Variants in HDGFL3 observed in about 807,000 individuals in gnomAD.
The protein encoded by HDGFL3 is hepatoma-derived growth factor-related protein 3.
Under a neutral mutation model 27.6 loss-of-function variants are expected in HDGFL3, and 6 were observed. The ratio of observed to expected loss-of-function variants is 0.22; its 90% CI spans 0.12 to 0.43. The LOEUF is 0.43. HDGFL3 is among the 20% of genes least tolerant of loss of function. HDGFL3 has a pLI of 1.00. For missense variants in HDGFL3, 207 were observed against 250.1 expected (o/e 0.83, Z 1.16); for synonymous variants, 88 against 88.9 (o/e 0.99, Z 0.05).
chr15:83,158,162 A>G, intron 2 of HDGFL3, 121 bp from the exon 3 acceptor site: 1 of 798,702 alleles, frequency 1.3e-6, no homozygotes. Context: ...AGTACATATA[A>G]ACCCTTCAAG....
In HDGFL3 at chr15:83,207,510, G is replaced by A; in HGVS notation, c.-96C>T. On this transcript the variant is annotated 5_prime_UTR_variant, in exon 1 of 6. Coordinates refer to ENST00000299633, the MANE Select transcript of HDGFL3 (RefSeq NM_016073.4). The surrounding 1 kb of genome is among the most constrained non-coding windows in gnomAD (Gnocchi z 4.8). ...GACGAATTGCGCCGCGCTCCCCGCG[G>A]GCCTCAAGCCGGGCGGACGAGCGGC... 3 of 1,012,844 alleles carry A rather than the reference G, an allele frequency of 3.0e-6. No individual in the cohort carries two copies. The highest frequency in any genetic ancestry group is 3.8e-6 in the Non-Finnish European group (3 of 785,944). 62.7% of individuals were successfully genotyped at this position (1,012,844 alleles called of 1,614,324 possible).
At chr15:83,126,870 G>A, downstream of HDGFL3, 1 of 1,572,040 alleles carries the variant, frequency 6.4e-7, no homozygotes, top group Non-Finnish European at 8.7e-7. Context: ...TGAAGCCTAA[G>A]ATTTTTCTAA....
intron 1 of HDGFL3, among the ~76,000 whole-genome samples, chr15:83,183,836 G>A (rs2037410210): frequency 6.6e-6 from 1 of 151,748 alleles, no homozygotes; most frequent in Non-Finnish European, 1.5e-5. Context: ...TCTAAACCTG[G>A]TTTAAATTTC....
chr15:83,160,608 G>A (rs2037089463), intron 2 of HDGFL3, among the ~76,000 whole-genome samples: 1 of 152,178 alleles, frequency 6.6e-6, no homozygotes, highest in Non-Finnish European at 1.5e-5. Flanking sequence ...TTAAAATCCA[G>A]TTTAGACATC....
chr15:83,192,290 T>G (rs954052635), intron 1 of HDGFL3: 6 of 455,260 alleles, frequency 1.3e-5, no homozygotes, highest in Admixed American at 7.1e-5. Context: ...AGTTTTGACT[T>G]TCTGCCAAAA....
chr15:83,179,883 T>C (rs547937583), intron 1 of HDGFL3: 1 of 152,272 alleles, frequency 6.6e-6, no homozygotes, highest in African/African-American at 2.4e-5. Flanking sequence ...GAATGCATGA[T>C]GTTATAAGTC....
intron 2 of HDGFL3, among the ~76,000 whole-genome samples, chr15:83,163,150 GT>G (rs2037121470): frequency 6.6e-6 from 1 of 152,200 alleles, no homozygotes; most frequent in Admixed American, 6.5e-5. Context: ...TTTGGAAACT[GT>G]GACAACACTG....
At chr15:83,157,790 A>G in intron 3 of HDGFL3, 113 bp downstream of exon 3, 1 of 1,087,204 alleles carries the variant, frequency 9.2e-7, no homozygotes, top group Non-Finnish European at 1.4e-6. Context: ...GGAGTCAAAA[A>G]GAATTGTGAC....
In HDGFL3 at chr15:83,175,722, T is replaced by A. The variant is rs148797922; in HGVS notation, c.85-11647A>T. On this transcript the variant is annotated intron_variant, in intron 1 of 5. Transcript: ENST00000299633. ...AAAAATACAAAAAATTAGCCCGGTG[T>A]GGTGGCGGGCACCTGTAGTCCCAGC... is the stretch of plus-strand genomic sequence containing the variant. Among the ~76,000 whole-genome samples, 287 of 152,206 alleles carry A rather than the reference T, an allele frequency of 1.9e-3. 4 individuals carry two copies. In the East Asian group the frequency reaches 0.028, roughly 15 times the overall value.
chr15:83,153,665 G>A (rs1170289076), intron 4 of HDGFL3, among the ~76,000 whole-genome samples: 1 of 152,050 alleles, frequency 6.6e-6, no homozygotes, highest in African/African-American at 2.4e-5. Flanking sequence ...ATTACTGGTG[G>A]TTTATCAACA....
intron 1 of HDGFL3, among the ~76,000 whole-genome samples, chr15:83,172,647 G>A (rs2151411353): frequency 6.6e-6 from 1 of 152,108 alleles, no homozygotes; most frequent in Admixed American, 6.5e-5. Context: ...ACACCAGCCT[G>A]GCCAACATGG....
In HDGFL3 at chr15:83,142,384, T is replaced by C. The variant is rs188337193; in HGVS notation, c.607-3109A>G. Reference sequence around the variant, plus strand: ...AGCATGTCTTTTGTGGGAACATGCATAGAGCTAGAGGCCATTATCCTTAAC... The same window carrying C: ...AGCATGTCTTTTGTGGGAACATGCACAGAGCTAGAGGCCATTATCCTTAAC... On this transcript the variant is annotated intron_variant, in intron 5 of 5. Coordinates refer to ENST00000299633, the MANE Select transcript of HDGFL3 (RefSeq NM_016073.4). Among the ~76,000 whole-genome samples the C allele has an allele frequency of 1.6e-3, 244 of 152,306 alleles. 1 individual carries two copies. Among genetic ancestry groups the C allele is most frequent in the African/African-American group, 5.7e-3 (236 of 41,550 alleles).
intron 1 of HDGFL3, chr15:83,179,842 C>A (rs1296140648): frequency 1.3e-5 from 2 of 152,194 alleles, no homozygotes; most frequent in African/African-American, 4.8e-5. Flanking sequence ...CAGTACCTGA[C>A]AAAATGGTAG....
intron 1 of HDGFL3, among the ~76,000 whole-genome samples, chr15:83,168,307 C>CA (rs56057714): frequency 0.25 from 37,814 of 151,962 alleles, 5,025 homozygotes; most frequent in African/African-American, 0.34. Flanking sequence ...ATACCAAAAT[C>CA]AGAGTGGAAT....
At chr15:83,196,854 T>G (rs749192711) in intron 1 of HDGFL3, among the ~76,000 whole-genome samples, 2 of 152,182 alleles carry the variant, frequency 1.3e-5, no homozygotes, top group Non-Finnish European at 2.9e-5. Context: ...TGGCATCTAT[T>G]TTCTCTATGA....
intron 1 of HDGFL3, among the ~76,000 whole-genome samples, chr15:83,183,297 G>A (rs1436709661): frequency 6.6e-6 from 1 of 151,994 alleles, no homozygotes; most frequent in African/African-American, 2.4e-5. Flanking sequence ...TAATATACAT[G>A]CACAAGGCCT....
intron 4 of HDGFL3, 188 bp downstream of exon 4, chr15:83,157,227 G>A (rs925780103): frequency 3.2e-6 from 2 of 624,382 alleles, no homozygotes; most frequent in African/African-American, 3.7e-5. Context: ...GCCCTAAAGA[G>A]TCAATAGTCA....
chr15:83,119,089 C>T (rs1188871315), intron 3 of HDGFL3, among the ~76,000 whole-genome samples: 1 of 152,160 alleles, frequency 6.6e-6, no homozygotes, highest in Non-Finnish European at 1.5e-5. Context: ...AGTTCGGTGC[C>T]TGCCTGCCTA....
chr15:83,181,045 T>A (rs1348976022), intron 1 of HDGFL3: 5 of 152,184 alleles, frequency 3.3e-5, no homozygotes, highest in African/African-American at 9.6e-5. Context: ...GGCTGAGTTA[T>A]CTTCAAATAT....
Sources: allele counts gnomAD v4.1 joint callset (sites outside exome capture counted in the v4.1 genomes callset), GRCh38; gene constraint gnomAD v4.1.1; non-coding constraint Gnocchi (gnomAD v3.1); transcripts MANE v1.5; gene names NCBI Gene and HGNC (gene_info 2026-07-23, HGNC 2026-07-21).